The following EPHA6 variants were observed in gnomAD, a reference collection of about 807,000 sequenced individuals.
EPHA6 encodes ephrin type-A receptor 6.
In EPHA6, 50 loss-of-function variants were observed where a neutral mutation model predicts 112.0. That is an observed-to-expected ratio of 0.45 (90% CI 0.36 to 0.56). EPHA6 has a LOEUF of 0.56. EPHA6 is among the 20% of genes least tolerant of loss of function. The pLI, the probability that EPHA6 is intolerant of heterozygous loss-of-function variation, is 0.00. For missense variants in EPHA6, 1,280 were observed against 1,417.4 expected (o/e 0.90, Z 1.56); for synonymous variants, 529 against 490.7 (o/e 1.08, Z -1.03).
intron 16 of EPHA6, among the ~76,000 whole-genome samples, chr3:97,740,929 C>A (rs184245786): frequency 6.6e-6 from 1 of 151,918 alleles, no homozygotes; most frequent in Non-Finnish European, 1.5e-5. Flanking sequence ...ATATGCTTTT[C>A]ATGACAGAGA....
chr3:97,118,350 A>G (rs997213727), intron 3 of EPHA6, among the ~76,000 whole-genome samples: 6 of 151,530 alleles, frequency 4.0e-5, no homozygotes, highest in African/African-American at 1.2e-4. Context: ...TAAATATTCT[A>G]TAATCAGAAT....
chr3:97,181,023 G>T (rs1356134006), intron 3 of EPHA6, among the ~76,000 whole-genome samples: 1 of 152,072 alleles, frequency 6.6e-6, no homozygotes, highest in Admixed American at 6.6e-5. Flanking sequence ...TCTGTGATGA[G>T]GTTTGCAGGT....
intron 10 of EPHA6, among the ~76,000 whole-genome samples, chr3:97,496,311 T>C (rs1560069996): frequency 1.3e-5 from 2 of 152,158 alleles, no homozygotes; most frequent in Non-Finnish European, 2.9e-5. Flanking sequence ...CCATTAATAG[T>C]AGGCAAGAAT....
chr3:97,125,257 A>C (rs2048151885), intron 3 of EPHA6, among the ~76,000 whole-genome samples: 1 of 152,188 alleles, frequency 6.6e-6, no homozygotes, highest in Non-Finnish European at 1.5e-5. Flanking sequence ...TTAGCTAAGA[A>C]AGAATTTATT....
intron 12 of EPHA6, among the ~76,000 whole-genome samples, chr3:97,604,344 A>T (rs1324568647): frequency 6.6e-6 from 1 of 151,714 alleles, no homozygotes; most frequent in African/African-American, 2.4e-5. Flanking sequence ...CAATCATCCT[A>T]GTTTGCCTGG....
rs531276670 is a variant in EPHA6 at position 96,818,267 on chromosome 3, C to A, written c.385+3259C>A. Among the ~76,000 whole-genome samples the A allele has an allele frequency of 2.6e-5, 4 of 152,056 alleles. No individual in the cohort carries two copies. In the East Asian group the frequency reaches 7.7e-4, roughly 29 times the overall value. On this transcript the variant is annotated intron_variant, in intron 1 of 17. Coordinates refer to ENST00000389672, the MANE Select transcript of EPHA6 (RefSeq NM_001080448.3). ...AGTAGACACCAGGGATCCATTCATTCAAAGATTATTCTGCAGCAAATACTA... is the reference window on the plus strand; with the variant it reads ...AGTAGACACCAGGGATCCATTCATTAAAAGATTATTCTGCAGCAAATACTA...
Position 97,468,587 on chromosome 3 carries a change from G to T in EPHA6, c.1895-6765G>T, listed in dbSNP as rs898492046. 9.9e-5 allele frequency among the ~76,000 whole-genome samples: 15 copies of T among 151,572 alleles called. No individual in the cohort carries two copies. In the South Asian group the frequency reaches 1.0e-3, roughly 10 times the overall value. On this transcript the variant is annotated intron_variant, in intron 7 of 17. Transcript: ENST00000389672. ...TTTACTTTTTTTCAAAGCCTAGGCA[G>T]GGATATTTAGGAAAAATAAATTTAC...
intron 4 of EPHA6, among the ~76,000 whole-genome samples, chr3:97,242,264 ATCTTACT>A (rs1176169294): frequency 6.6e-6 from 1 of 151,686 alleles, no homozygotes; most frequent in East Asian, 1.9e-4. Flanking sequence ...TGTTCCTTAA[ATCTTACT>A]TCATGCATTC....
chr3:96,984,446 G>C (rs142232617), intron 2 of EPHA6, among the ~76,000 whole-genome samples: 1,929 of 152,236 alleles, frequency 0.013, 49 homozygotes, highest in African/African-American at 0.044. Context: ...GGCCGTGTGA[G>C]GTGTCAGTCT....
intron 12 of EPHA6, among the ~76,000 whole-genome samples, chr3:97,596,777 C>CATATATATATATATAT (rs57541953): frequency 1.1e-4 from 12 of 106,202 alleles, no homozygotes; most frequent in East Asian, 8.4e-4. Flanking sequence ...AACTCATATA[C>CATATATATATATATAT]ATATATATAT....
At chr3:97,628,356 T>C (rs2093875895) in intron 13 of EPHA6, among the ~76,000 whole-genome samples, 1 of 152,030 alleles carries the variant, frequency 6.6e-6, no homozygotes, top group Non-Finnish European at 1.5e-5. Flanking sequence ...AATAACTGTT[T>C]CCTAAGGTTA....
intron 7 of EPHA6, among the ~76,000 whole-genome samples, chr3:97,474,073 T>C (rs142353778): frequency 3.9e-4 from 59 of 151,980 alleles, no homozygotes; most frequent in African/African-American, 1.4e-3. Flanking sequence ...ACAATAGTGT[T>C]GAAGGCTTAG....
At chr3:97,449,577 ATGGAAT>A (rs1466548106) in intron 7 of EPHA6, among the ~76,000 whole-genome samples, 2 of 152,154 alleles carry the variant, frequency 1.3e-5, no homozygotes, top group Non-Finnish European at 2.9e-5. Context: ...AATATTTTAC[ATGGAAT>A]TGTTCATTCA....
intron 5 of EPHA6, among the ~76,000 whole-genome samples, chr3:97,256,529 G>T (rs2079320136): frequency 6.6e-6 from 1 of 152,002 alleles, no homozygotes; most frequent in Admixed American, 6.6e-5. Flanking sequence ...CACTTAGATT[G>T]TACACTGTCT....
intron 3 of EPHA6, among the ~76,000 whole-genome samples, chr3:97,114,880 G>A (rs543132043): frequency 6.6e-6 from 1 of 152,000 alleles, no homozygotes; most frequent in South Asian, 2.1e-4. Context: ...ATGTTCTCTA[G>A]TACTGTGAAC....
At chr3:97,314,459 C>G (rs992375843) in intron 5 of EPHA6, among the ~76,000 whole-genome samples, 1 of 151,588 alleles carries the variant, frequency 6.6e-6, no homozygotes, top group African/African-American at 2.4e-5. Flanking sequence ...ATCAAACTCA[C>G]TAGAAACCAT....
intron 4 of EPHA6, among the ~76,000 whole-genome samples, chr3:97,233,887 A>C (rs2078605876): frequency 6.6e-6 from 1 of 152,166 alleles, no homozygotes; most frequent in Non-Finnish European, 1.5e-5. Context: ...ATGGCCTAGT[A>C]GGTGAAAATT....
intron 9 of EPHA6, chr3:97,481,110 G>A (rs993972462): frequency 4.8e-5 from 27 of 566,820 alleles, no homozygotes; most frequent in African/African-American, 4.3e-4. Flanking sequence ...GACACTTTGG[G>A]AGGCCAAGGC....
intron 2 of EPHA6, among the ~76,000 whole-genome samples, chr3:96,870,330 G>A (rs2036563494): frequency 1.3e-5 from 2 of 151,980 alleles, no homozygotes; most frequent in Admixed American, 1.3e-4. Flanking sequence ...ACCCAAGAAC[G>A]AGGAGCTCTG....
Sources: allele counts gnomAD v4.1 joint callset (sites outside exome capture counted in the v4.1 genomes callset), GRCh38; gene constraint gnomAD v4.1.1; transcripts MANE v1.5; gene names NCBI Gene and HGNC (gene_info 2026-07-23, HGNC 2026-07-21).